Variants in DNAAF9 observed in about 807,000 individuals in gnomAD.
The protein encoded by DNAAF9 is dynein axonemal assembly factor 9, also known as shulin.
DNAAF9 carries 90 observed loss-of-function variants against 167.0 expected under a neutral mutation model. The observed-to-expected ratio is 0.54, with a 90% CI of 0.45 to 0.64. DNAAF9 has a LOEUF of 0.64. Among genes scored for constraint, DNAAF9 ranks in the 30% least tolerant of loss-of-function variants. The pLI is 0.00. For missense variants in DNAAF9, 1,315 were observed against 1,442.2 expected (o/e 0.91, Z 1.43); for synonymous variants, 491 against 508.8 (o/e 0.96, Z 0.47).
chr20:3,328,416 G>C (rs1371724703), intron 12 of DNAAF9, among the ~76,000 whole-genome samples: 1 of 152,080 alleles, frequency 6.6e-6, no homozygotes, highest in Non-Finnish European at 1.5e-5. Context: ...TCCTGACCTT[G>C]TGATCCATCT....
chr20:3,362,791 C>A (rs2083380523), intron 6 of DNAAF9, among the ~76,000 whole-genome samples: 1 of 152,200 alleles, frequency 6.6e-6, no homozygotes, highest in South Asian at 2.1e-4. Context: ...CTTTCTTCTT[C>A]TACCTCATTC....
chr20:3,277,209 A>T (rs2068689102), intron 29 of DNAAF9, among the ~76,000 whole-genome samples: 2 of 152,072 alleles, frequency 1.3e-5, no homozygotes. Flanking sequence ...AGATCCTCCT[A>T]CTCAGGTCAT....
At chr20:3,350,610 A>T (rs1160889041) in intron 7 of DNAAF9, among the ~76,000 whole-genome samples, 1 of 152,196 alleles carries the variant, frequency 6.6e-6, no homozygotes, top group African/African-American at 2.4e-5. Flanking sequence ...ACCACTTCTC[A>T]TTCAAAGAAA....
At position 3,250,908 on chromosome 20, in the gene DNAAF9, A is replaced by G. The variant is rs1224947980; in HGVS notation, c.*1664T>C. The G allele has an allele frequency of 2.0e-5, 3 of 152,158 alleles. No individual in the cohort carries two copies. The highest frequency in any genetic ancestry group is 4.4e-5 in the Non-Finnish European group (3 of 68,024). The allele number at this position is 152,158 out of a possible 1,614,324, so 9.4% of individuals were successfully genotyped here. On this transcript the variant is annotated 3_prime_UTR_variant, in exon 37 of 37. Coordinates refer to ENST00000252032, the MANE Select transcript of DNAAF9 (RefSeq NM_001009984.3). ...ACAGTAACTCACTGCTTATTAATCA[A>G]TTGCACTTAAGATCTATGTTACTGA...
rs145072503 is a variant in DNAAF9 at position 3,365,373 on chromosome 20, T to TTTTATTTA, written c.613-5788_613-5781dup. ...TGATATGCCACACTATTTGATAACATTTTATTTATTTATTTATTTATTTAT... is the reference window on the plus strand; with the variant it reads ...TGATATGCCACACTATTTGATAACATTTTATTTATTTATTTATTTATTTATTTATTTAT... On this transcript the variant is annotated intron_variant, in intron 6 of 36. Coordinates refer to ENST00000252032, the MANE Select transcript of DNAAF9 (RefSeq NM_001009984.3). 6.5e-3 allele frequency among the ~76,000 whole-genome samples: 966 copies of TTTTATTTA among 149,706 alleles called. 7 individuals are homozygous for TTTTATTTA. Among genetic ancestry groups the TTTTATTTA allele is most frequent in the African/African-American group, 0.019 (786 of 40,532 alleles).
intron 20 of DNAAF9, among the ~76,000 whole-genome samples, chr20:3,310,013 A>T (rs1462978744): frequency 6.6e-6 from 1 of 152,038 alleles, no homozygotes; most frequent in African/African-American, 2.4e-5. Flanking sequence ...ACCGACATAG[A>T]GAAACCCTAC....
intron 28 of DNAAF9, among the ~76,000 whole-genome samples, chr20:3,280,468 G>A (rs1444393268): frequency 6.6e-6 from 1 of 151,808 alleles, no homozygotes; most frequent in Admixed American, 6.6e-5. Flanking sequence ...GGGAGGCTGA[G>A]GCAAGAAAAT....
At chr20:3,328,956 G>A (rs1342171738) in intron 12 of DNAAF9, among the ~76,000 whole-genome samples, 1 of 147,180 alleles carries the variant, frequency 6.8e-6, no homozygotes, top group Admixed American at 6.9e-5. Flanking sequence ...TGCAACCTCT[G>A]TATCCCAGGT....
In DNAAF9 at chr20:3,334,302, A is replaced by G. The variant is rs539688012; in HGVS notation, c.982-1941T>C. On this transcript the variant is annotated intron_variant, in intron 10 of 36. Coordinates refer to ENST00000252032, the MANE Select transcript of DNAAF9 (RefSeq NM_001009984.3). ...CACGGTCATTTCAAACTCACTGTCT[A>G]AAGTGAACTTCACACACATCCAATC... is the stretch of plus-strand genomic sequence containing the variant. 2.0e-5 allele frequency among the ~76,000 whole-genome samples: 3 copies of G among 152,304 alleles called. No individual in the cohort carries two copies. The East Asian group carries it at 5.8e-4, about 29-fold the overall frequency.
chr20:3,289,680 C>T (rs576153447), intron 26 of DNAAF9, among the ~76,000 whole-genome samples: 7 of 152,042 alleles, frequency 4.6e-5, no homozygotes, highest in African/African-American at 1.4e-4. Context: ...CCACCACGTT[C>T]GGCTAATTTT....
At chr20:3,399,451 G>A (rs574947821) in intron 1 of DNAAF9, among the ~76,000 whole-genome samples, 3 of 152,040 alleles carry the variant, frequency 2.0e-5, no homozygotes, top group Middle Eastern at 3.4e-3. Context: ...CTTGCGATCC[G>A]CCCGCCTCGG....
At chr20:3,262,186 G>A (rs2068401762) in intron 31 of DNAAF9, among the ~76,000 whole-genome samples, 1 of 151,970 alleles carries the variant, frequency 6.6e-6, no homozygotes, top group Admixed American at 6.6e-5. Flanking sequence ...AGAATTTTGG[G>A]GTCCCTCCAT....
chr20:3,271,136 A>G (rs1336762742), intron 29 of DNAAF9, among the ~76,000 whole-genome samples: 1 of 152,080 alleles, frequency 6.6e-6, no homozygotes, highest in Non-Finnish European at 1.5e-5. Flanking sequence ...TAATTCTGGT[A>G]TCTAGCTGAT....
chr20:3,262,067 C>G (rs906005200), intron 31 of DNAAF9, among the ~76,000 whole-genome samples: 1 of 152,034 alleles, frequency 6.6e-6, no homozygotes, highest in Admixed American at 6.6e-5. Flanking sequence ...CTCTGACCCA[C>G]GTGAGAGGGG....
chr20:3,396,048 G>A (rs1416775339), intron 1 of DNAAF9, among the ~76,000 whole-genome samples: 2 of 152,216 alleles, frequency 1.3e-5, no homozygotes, highest in African/African-American at 2.4e-5. Flanking sequence ...CCCTGCACAA[G>A]CTCTCTTCTC....
chr20:3,343,054 T>C (rs2070118845), intron 9 of DNAAF9, among the ~76,000 whole-genome samples: 1 of 66,922 alleles, frequency 1.5e-5, no homozygotes, highest in Non-Finnish European at 3.2e-5. Flanking sequence ...TGCAGAAGCA[T>C]GTTCATTTGT....
chr20:3,346,423 G>T (rs1442598017), intron 8 of DNAAF9, among the ~76,000 whole-genome samples: 1 of 152,100 alleles, frequency 6.6e-6, no homozygotes, highest in Non-Finnish European at 1.5e-5. Context: ...ACATACAAGA[G>T]GGGCTGAATA....
At chr20:3,265,649 A>G (rs1336169422) in intron 30 of DNAAF9, among the ~76,000 whole-genome samples, 1 of 144,650 alleles carries the variant, frequency 6.9e-6, no homozygotes, top group African/African-American at 2.5e-5. Context: ...TGTGGTTGTT[A>G]TTACTTTGAT....
chr20:3,313,272 A>G (rs1316995154), intron 20 of DNAAF9, among the ~76,000 whole-genome samples: 2 of 152,206 alleles, frequency 1.3e-5, no homozygotes, highest in Non-Finnish European at 2.9e-5. Flanking sequence ...CAGGATCTGG[A>G]GAGGCAGAAG....
Sources: allele counts gnomAD v4.1 joint callset (sites outside exome capture counted in the v4.1 genomes callset), GRCh38; gene constraint gnomAD v4.1.1; transcripts MANE v1.5; gene names NCBI Gene and HGNC (gene_info 2026-07-23, HGNC 2026-07-21).